The following ATCAY variants were observed in gnomAD, a reference collection of about 807,000 sequenced individuals.
ATCAY encodes the protein caytaxin.
In ATCAY, 22 loss-of-function variants were observed where a neutral mutation model predicts 47.7. The observed-to-expected ratio is 0.46, with a 90% CI of 0.33 to 0.66. ATCAY has a LOEUF of 0.66. Among genes scored for constraint, ATCAY ranks in the 30% least tolerant of loss-of-function variants. The probability of loss-of-function intolerance (pLI) is 0.02; values close to 1 mark genes in which losing one functional copy is unlikely to be tolerated. For synonymous variants in ATCAY, 216 were observed against 207.6 expected (o/e 1.04, Z -0.35); for missense variants, 452 against 515.0 (o/e 0.88, Z 1.18).
At chr19:3,900,909 T>A (rs964872374) in intron 2 of ATCAY, among the ~76,000 whole-genome samples, 2 of 138,058 alleles carry the variant, frequency 1.4e-5, no homozygotes, top group Non-Finnish European at 3.2e-5. Flanking sequence ...TTTTTTTTTT[T>A]TTTTTTTTTT....
Position 3,885,736 on chromosome 19 carries a change from C to T in ATCAY, c.-32C>T. On this transcript the variant is annotated 5_prime_UTR_variant, in exon 2 of 13. Transcript: ENST00000450849. ...TGCGGCTTCCTTTCAGGGGTCATCCCTGCTTCAAGCCAGTGCCTCTTCCCA... is the reference window on the plus strand; with the variant it reads ...TGCGGCTTCCTTTCAGGGGTCATCCTTGCTTCAAGCCAGTGCCTCTTCCCA... 6.5e-7 allele frequency: 1 copy of T among 1,546,714 alleles called. No homozygotes were observed.
chr19:3,923,556 GGATA>G (rs933479580), intron 12 of ATCAY, among the ~76,000 whole-genome samples: 1 of 151,626 alleles, frequency 6.6e-6, no homozygotes, highest in African/African-American at 2.4e-5. Flanking sequence ...ATGGATGGAT[GGATA>G]AATGGATGGA....
chr19:3,908,649 TC>T (rs2038889005), intron 6 of ATCAY, among the ~76,000 whole-genome samples: 1 of 56,294 alleles, frequency 1.8e-5, no homozygotes, highest in African/African-American at 8.1e-5. Flanking sequence ...CCCTTCTTCC[TC>T]CCCCTTCCCC....
rs59395284 is a variant in ATCAY at position 3,900,895 on chromosome 19, CTTTTT to C, written c.78-1572_78-1568del. On this transcript the variant is annotated intron_variant, in intron 2 of 12. Coordinates refer to ENST00000450849, the MANE Select transcript of ATCAY (RefSeq NM_033064.5). ...CAGCCTACACAGAGTTATCCTTCAT[CTTTTT>C]TTTTTTTTTTTTTTTTTTTGAGACA... 4.2e-3 allele frequency among the ~76,000 whole-genome samples: 389 copies of C among 92,242 alleles called. 1 individual carries two copies. Among genetic ancestry groups the C allele is most frequent in the African/African-American group, 0.017 (362 of 21,176 alleles). 60.5% of individuals were successfully genotyped at this position (92,242 alleles called of 152,430 possible). A position where few individuals can be genotyped will look rare whatever the true frequency, so the allele number is the denominator to read the frequency against.
chr19:3,895,001 C>T (rs2038755150), intron 2 of ATCAY: 1 of 386,058 alleles, frequency 2.6e-6, no homozygotes, highest in South Asian at 1.9e-5. Flanking sequence ...CTTCCCTGAC[C>T]ACCCCACAGA....
chr19:3,924,545 T>C, intron 12 of ATCAY, 38 bp from the exon 13 acceptor site: 1 of 1,613,598 alleles, frequency 6.2e-7, no homozygotes, highest in South Asian at 1.1e-5. Context: ...CTTTTAACAT[T>C]AACAGCAATA....
At position 3,909,394 on chromosome 19, in the gene ATCAY, G is replaced by A. The variant is rs536741199; in HGVS notation, c.648-92G>A. On this transcript the variant is annotated intron_variant, in intron 6 of 12. Transcript: ENST00000450849. ...ACCAGTGGGGCTGACCCAGCCAGCG[G>A]CAGGAGTGGAGGCAGGCAGGGTCGG... 3.2e-4 allele frequency: 478 copies of A among 1,474,212 alleles called. 3 individuals are homozygous for A. The African/African-American group carries it at 3.6e-3, about 11-fold the overall frequency. The allele number at this position is 1,474,212 out of a possible 1,614,324, so 91.3% of individuals were successfully genotyped here.
At position 3,907,993 on chromosome 19, in the gene ATCAY, C is replaced by T. The variant is rs1248292274; in HGVS notation, c.544+74C>T. The T allele has an allele frequency of 2.6e-6, 4 of 1,512,036 alleles. No individual in the cohort carries two copies. Among genetic ancestry groups the T allele is most frequent in the Non-Finnish European group, 3.6e-6 (4 of 1,106,992 alleles). The allele number at this position is 1,512,036 out of a possible 1,614,324, so 93.7% of individuals were successfully genotyped here. Reference sequence around the variant, plus strand: ...GGGCAACAGGGGGTTCGTCAGTGCCCCTCTCTGATGCACGGGGATGTTAAG... The same window carrying T: ...GGGCAACAGGGGGTTCGTCAGTGCCTCTCTCTGATGCACGGGGATGTTAAG... On this transcript the variant is annotated intron_variant, in intron 5 of 12. Transcript: ENST00000450849. The surrounding 1 kb of genome is among the most constrained non-coding windows in gnomAD (Gnocchi z 5.1).
intron 12 of ATCAY, chr19:3,922,331 G>T (rs939793333): frequency 4.7e-5 from 30 of 636,568 alleles, no homozygotes; most frequent in East Asian, 8.3e-5. Flanking sequence ...GGCTGGGGAG[G>T]CCCCGGGAAA....
At chr19:3,904,266 G>A (rs1486018195) in intron 3 of ATCAY, among the ~76,000 whole-genome samples, 1 of 152,248 alleles carries the variant, frequency 6.6e-6, no homozygotes, top group Non-Finnish European at 1.5e-5. Flanking sequence ...GGAGGTTGCA[G>A]TGAGCTGAGA....
At chr19:3,888,068 TGTGC>T (rs2038679003) in intron 2 of ATCAY, among the ~76,000 whole-genome samples, 1 of 150,426 alleles carries the variant, frequency 6.6e-6, no homozygotes, top group Non-Finnish European at 1.5e-5. Flanking sequence ...TGAGCCGAGA[TGTGC>T]CACCGCACTC....
rs909131661 is a variant in ATCAY, at chr19:3,925,514, T to C, written c.*922T>C. 2.0e-5 allele frequency: 3 copies of C among 152,176 alleles called. No individual in the cohort carries two copies. The highest frequency in any genetic ancestry group is 6.5e-5 in the Admixed American group (1 of 15,274). 9.4% of individuals were successfully genotyped at this position (152,176 alleles called of 1,614,324 possible). ...AGATACAGGGTATCGGGCGTTTGAGTGTTTCAGAAGTCATTCGGGAAGATA... is the reference window on the plus strand; with the variant it reads ...AGATACAGGGTATCGGGCGTTTGAGCGTTTCAGAAGTCATTCGGGAAGATA... On this transcript the variant is annotated 3_prime_UTR_variant, in exon 13 of 13. Coordinates refer to ENST00000450849, the MANE Select transcript of ATCAY (RefSeq NM_033064.5). The surrounding 1 kb of genome is among the most constrained non-coding windows in gnomAD (Gnocchi z 4.4).
chr19:3,892,538 G>A (rs2038727405), intron 2 of ATCAY, among the ~76,000 whole-genome samples: 1 of 152,140 alleles, frequency 6.6e-6, no homozygotes, highest in Non-Finnish European at 1.5e-5. Flanking sequence ...AAAATTACAA[G>A]AATGATATAA....
At chr19:3,901,921 G>A (rs576265191) in intron 2 of ATCAY, among the ~76,000 whole-genome samples, 201 of 152,108 alleles carry the variant, frequency 1.3e-3, no homozygotes, top group African/African-American at 4.6e-3. Context: ...GCCTGAACCC[G>A]GGAGGCGGAG....
Position 3,880,959 on chromosome 19 carries a change from G to A in ATCAY, c.-91G>A. ...GCGATGCCCAGCTGCACCCGGGCAG[G>A]GCTCGCCTTTGTTTGCCAGTAAGGA... is the stretch of plus-strand genomic sequence containing the variant. On this transcript the variant is annotated 5_prime_UTR_variant, in exon 1 of 13. Transcript: ENST00000450849. 6.6e-6 allele frequency: 1 copy of A among 152,256 alleles called. No individual in the cohort carries two copies. The highest frequency in any genetic ancestry group is 1.9e-4 in the East Asian group (1 of 5,200). 9.4% of individuals were successfully genotyped at this position (152,256 alleles called of 1,614,324 possible).
At chr19:3,915,819 T>C (rs1368860062) in intron 9 of ATCAY, among the ~76,000 whole-genome samples, 1 of 149,284 alleles carries the variant, frequency 6.7e-6, no homozygotes, top group Non-Finnish European at 1.5e-5. Flanking sequence ...CCTCCCAAAG[T>C]GCTGGGATTA....
In ATCAY at chr19:3,919,004, A is replaced by G. The variant is rs112942644; in HGVS notation, c.1073+127A>G. ...AGAAAATGGAACTAAGTGGCCGGCC[A>G]TGGTGGCTCACGCCTGTAATCCCAG... On this transcript the variant is annotated intron_variant, in intron 11 of 12. Coordinates refer to ENST00000450849, the MANE Select transcript of ATCAY (RefSeq NM_033064.5). 5,306 of 1,155,238 alleles carry G rather than the reference A, an allele frequency of 4.6e-3. 182 individuals carry two copies. In the African/African-American group the frequency reaches 0.07, roughly 15 times the overall value. The allele number at this position is 1,155,238 out of a possible 1,614,324, so 71.6% of individuals were successfully genotyped here. A position where few individuals can be genotyped will look rare whatever the true frequency, so the allele number is the denominator to read the frequency against.
At chr19:3,898,838 T>C (rs1041390090) in intron 2 of ATCAY, among the ~76,000 whole-genome samples, 4 of 152,090 alleles carry the variant, frequency 2.6e-5, no homozygotes, top group Non-Finnish European at 5.9e-5. Flanking sequence ...TGCGCCACCA[T>C]GTCCAGCTAA....
At chr19:3,902,818 G>A (rs187898998) in intron 3 of ATCAY, among the ~76,000 whole-genome samples, 36 of 152,272 alleles carry the variant, frequency 2.4e-4, no homozygotes, top group African/African-American at 3.6e-4. Flanking sequence ...TGTAGGTAGC[G>A]AGCTTCTCGC....
Sources: allele counts gnomAD v4.1 joint callset (sites outside exome capture counted in the v4.1 genomes callset), GRCh38; gene constraint gnomAD v4.1.1; non-coding constraint Gnocchi (gnomAD v3.1); transcripts MANE v1.5; gene names NCBI Gene and HGNC (gene_info 2026-07-23, HGNC 2026-07-21).